SH3GL2: variants seen among roughly 807,000 people sequenced by gnomAD.
SH3GL2 encodes the protein SH3 domain containing GRB2 like 2, endophilin A1, also known as endophilin-A1.
A neutral mutation model predicts 46.0 loss-of-function variants in SH3GL2; 24 were observed. That is an observed-to-expected ratio of 0.52 (90% CI 0.38 to 0.73). SH3GL2 has a LOEUF of 0.73. Among genes scored for constraint, SH3GL2 ranks in the 30% least tolerant of loss-of-function variants. The probability of loss-of-function intolerance (pLI) is 0.00; values close to 1 mark genes in which losing one functional copy is unlikely to be tolerated. For synonymous variants in SH3GL2, 196 were observed against 147.1 expected, an observed-to-expected ratio of 1.33 and a Z score of -2.40; for missense variants, 413 against 424.2, an observed-to-expected ratio of 0.97 and a Z score of 0.23.
chr9:17,637,219 C>G (rs141481901), intron 1 of SH3GL2, among the ~76,000 whole-genome samples: 1 of 152,206 alleles, frequency 6.6e-6, no homozygotes, highest in East Asian at 1.9e-4. Flanking sequence ...AAGTTAAGAC[C>G]AAAGCACAAC....
At chr9:17,614,295 G>GAAAGAAAAAAAA (rs1818936748) in intron 1 of SH3GL2, among the ~76,000 whole-genome samples, 1 of 70,302 alleles carries the variant, frequency 1.4e-5, no homozygotes, top group Non-Finnish European at 2.5e-5. Context: ...CATGGTTTCT[G>GAAAGAAAAAAAA]AAAAAAAAAA....
intron 1 of SH3GL2, among the ~76,000 whole-genome samples, chr9:17,668,411 G>A (rs555924663): frequency 1.5e-4 from 23 of 152,222 alleles, no homozygotes; most frequent in African/African-American, 4.8e-4. Flanking sequence ...ATCCTTGTCC[G>A]TCAACAATCA....
intron 1 of SH3GL2, among the ~76,000 whole-genome samples, chr9:17,661,128 C>T (rs1181257663): frequency 1.3e-5 from 2 of 152,138 alleles, no homozygotes; most frequent in African/African-American, 2.4e-5. Flanking sequence ...TACCACTGCA[C>T]TCCAGTCTGG....
chr9:17,620,728 G>A (rs1432624743), intron 1 of SH3GL2, among the ~76,000 whole-genome samples: 1 of 152,168 alleles, frequency 6.6e-6, no homozygotes, highest in Non-Finnish European at 1.5e-5. Context: ...TGAATGTGGA[G>A]GGAGAGGGAG....
At chr9:17,789,976 A>G (rs75404428) in intron 6 of SH3GL2, 4,498 of 156,664 alleles carry the variant, frequency 0.029, 194 homozygotes, top group African/African-American at 0.091. Flanking sequence ...TCTCTTATCA[A>G]TAGTGGGAAG....
At chr9:17,620,227 T>C (rs76038801) in intron 1 of SH3GL2, among the ~76,000 whole-genome samples, 3 of 152,220 alleles carry the variant, frequency 2.0e-5, no homozygotes, top group African/African-American at 4.8e-5. Context: ...TGAATCTTAC[T>C]GGTATGTGAT....
At chr9:17,598,093 C>G (rs773032159) in intron 1 of SH3GL2, among the ~76,000 whole-genome samples, 1 of 152,180 alleles carries the variant, frequency 6.6e-6, no homozygotes, top group African/African-American at 2.4e-5. Context: ...GGAGGTCATA[C>G]CTGACATTCT....
intron 1 of SH3GL2, among the ~76,000 whole-genome samples, chr9:17,746,178 C>G (rs1024712903): frequency 6.6e-6 from 1 of 152,278 alleles, no homozygotes; most frequent in South Asian, 2.1e-4. Context: ...TGTGTTCACA[C>G]CATTCTCCTG....
chr9:17,580,908 T>A (rs779359660), intron 1 of SH3GL2, among the ~76,000 whole-genome samples: 1 of 152,220 alleles, frequency 6.6e-6, no homozygotes, highest in Non-Finnish European at 1.5e-5. Flanking sequence ...TCAAAGGCAA[T>A]TAAGAGTCTT....
chr9:17,774,677 C>T (rs1363084301), intron 3 of SH3GL2, among the ~76,000 whole-genome samples: 1 of 151,834 alleles, frequency 6.6e-6, no homozygotes, highest in Non-Finnish European at 1.5e-5. Context: ...TTAAAATATG[C>T]TGTTGAATTT....
intron 1 of SH3GL2, among the ~76,000 whole-genome samples, chr9:17,685,434 C>G (rs1441338045): frequency 3.9e-5 from 6 of 152,032 alleles, no homozygotes. Context: ...TACAAAATAC[C>G]TTCACAACAG....
chr9:17,740,449 A>G (rs1411298831), intron 1 of SH3GL2, among the ~76,000 whole-genome samples: 1 of 125,376 alleles, frequency 8.0e-6, no homozygotes, highest in East Asian at 1.9e-4. Context: ...CCCTCTAAGT[A>G]TTTGATATGT....
chr9:17,755,330 T>G (rs1474986083), intron 2 of SH3GL2, among the ~76,000 whole-genome samples: 1 of 152,238 alleles, frequency 6.6e-6, no homozygotes, highest in African/African-American at 2.4e-5. Context: ...ATCCCAGGGA[T>G]AAAGCCTACT....
intron 3 of SH3GL2, among the ~76,000 whole-genome samples, chr9:17,775,789 C>T (rs1016341756): frequency 2.6e-5 from 4 of 152,146 alleles, no homozygotes; most frequent in African/African-American, 7.2e-5. Context: ...TTTCCCCCAA[C>T]AGTCAGAACA....
chr9:17,680,792 C>T (rs1282819660), intron 1 of SH3GL2, among the ~76,000 whole-genome samples: 1 of 152,084 alleles, frequency 6.6e-6, no homozygotes, highest in Non-Finnish European at 1.5e-5. Flanking sequence ...CCTGTACACA[C>T]TGCTTTAAAT....
At chr9:17,653,332 A>G (rs563052026) in intron 1 of SH3GL2, among the ~76,000 whole-genome samples, 5 of 152,106 alleles carry the variant, frequency 3.3e-5, no homozygotes, top group African/African-American at 7.2e-5. Context: ...TATTTCTTCA[A>G]TACTTTCTCC....
intron 3 of SH3GL2, among the ~76,000 whole-genome samples, chr9:17,775,975 G>A (rs1237295311): frequency 6.6e-6 from 1 of 152,164 alleles, no homozygotes; most frequent in Non-Finnish European, 1.5e-5. Context: ...AGCCACTCTT[G>A]AGAATACAGC....
At chr9:17,724,430 G>C (rs555380058) in intron 1 of SH3GL2, among the ~76,000 whole-genome samples, 1 of 152,026 alleles carries the variant, frequency 6.6e-6, no homozygotes, top group East Asian at 1.9e-4. Context: ...TAGTTCTTTG[G>C]ACATATTTAA....
intron 1 of SH3GL2, among the ~76,000 whole-genome samples, chr9:17,681,760 G>C (rs1443616991): frequency 6.6e-6 from 1 of 152,094 alleles, no homozygotes; most frequent in Non-Finnish European, 1.5e-5. Flanking sequence ...CAGTCAGAGT[G>C]AATAGGCAAC....
Sources: allele counts gnomAD v4.1 joint callset (sites outside exome capture counted in the v4.1 genomes callset), GRCh38; gene constraint gnomAD v4.1.1; transcripts MANE v1.5; gene names NCBI Gene and HGNC (gene_info 2026-07-23, HGNC 2026-07-21).